SHISA9: variants seen among roughly 807,000 people sequenced by gnomAD.
SHISA9 encodes the protein shisa family member 9, also known as protein shisa-9.
A neutral mutation model predicts 38.0 loss-of-function variants in SHISA9; 13 were observed. The ratio of observed to expected loss-of-function variants is 0.34; its 90% CI spans 0.22 to 0.54. SHISA9 has a LOEUF of 0.54. SHISA9 is among the 20% of genes least tolerant of loss of function. The probability of loss-of-function intolerance (pLI) is 0.91; values close to 1 mark genes in which losing one functional copy is unlikely to be tolerated. For synonymous variants in SHISA9, 275 were observed against 242.0 expected (o/e 1.14, Z -1.27); for missense variants, 538 against 575.8 (o/e 0.93, Z 0.67).
At chr16:13,000,359 G>C (rs771719825) in intron 2 of SHISA9, among the ~76,000 whole-genome samples, 2 of 152,202 alleles carry the variant, frequency 1.3e-5, no homozygotes, top group Non-Finnish European at 2.9e-5. Context: ...GAGTAGGGAA[G>C]GGGAGACTAA....
At chr16:13,515,974 C>A in the SHISA9 span, among the ~76,000 whole-genome samples, 2 of 152,214 alleles carry the variant, frequency 1.3e-5, no homozygotes, top group South Asian at 4.1e-4. Flanking sequence ...AGATTAGATA[C>A]ACAACACCTT....
At chr16:13,334,773 CAA>C in the SHISA9 span, among the ~76,000 whole-genome samples, 12 of 97,624 alleles carry the variant, frequency 1.2e-4, no homozygotes, top group Admixed American at 2.4e-4. Context: ...GACTCCATCT[CAA>C]AAAAAAAAAA....
chr16:13,561,542 C>T, the SHISA9 span, among the ~76,000 whole-genome samples: 1 of 152,164 alleles, frequency 6.6e-6, no homozygotes, highest in Non-Finnish European at 1.5e-5. Flanking sequence ...AAATCACTTC[C>T]GCTACTTTTA....
At chr16:13,327,839 A>G in the SHISA9 span, among the ~76,000 whole-genome samples, 2 of 151,714 alleles carry the variant, frequency 1.3e-5, no homozygotes, top group Non-Finnish European at 2.9e-5. Flanking sequence ...GTATTTTTTT[A>G]GTAGAGACAG....
chr16:13,076,554 T>C (rs1393434580), intron 2 of SHISA9, among the ~76,000 whole-genome samples: 3 of 152,138 alleles, frequency 2.0e-5, no homozygotes, highest in Non-Finnish European at 4.4e-5. Context: ...AGATAGAATT[T>C]GGTTGACTTG....
the SHISA9 span, among the ~76,000 whole-genome samples, chr16:13,382,849 C>G: frequency 6.6e-6 from 1 of 152,044 alleles, no homozygotes; most frequent in Non-Finnish European, 1.5e-5. Flanking sequence ...TAGAGCGAGA[C>G]TCTGTCTTAA....
intron 2 of SHISA9, among the ~76,000 whole-genome samples, chr16:13,072,703 C>G (rs1397528068): frequency 1.3e-5 from 2 of 151,966 alleles, no homozygotes; most frequent in South Asian, 2.1e-4. Flanking sequence ...CTCTGTCACC[C>G]AGGCTGGAGT....
chr16:13,237,454 G>A lies in SHISA9; in HGVS notation c.*2045G>A, dbSNP rs375153128. On this transcript the variant is annotated 3_prime_UTR_variant, in exon 5 of 5. Transcript: ENST00000558583. ...GAAGCAGGTGGATCATCTGAGGTCA[G>A]GAGTTTGAGATCAGCCTGGTCAACA... 3 of 152,094 alleles carry A rather than the reference G, an allele frequency of 2.0e-5. No individual in the cohort carries two copies. The highest frequency in any genetic ancestry group is 7.2e-5 in the African/African-American group (3 of 41,414). The allele number at this position is 152,094 out of a possible 1,614,324, so 9.4% of individuals were successfully genotyped here. A position where few individuals can be genotyped will look rare whatever the true frequency, so the allele number is the denominator to read the frequency against.
chr16:13,128,522 C>T (rs912507242), intron 2 of SHISA9, among the ~76,000 whole-genome samples: 1 of 152,106 alleles, frequency 6.6e-6, no homozygotes, highest in Non-Finnish European at 1.5e-5. Flanking sequence ...ATAATAATAC[C>T]TACCATGTAG....
chr16:13,418,714 C>T, the SHISA9 span, among the ~76,000 whole-genome samples: 2 of 152,204 alleles, frequency 1.3e-5, no homozygotes, highest in African/African-American at 4.8e-5. Context: ...ATTTTATTCA[C>T]CTCCTGCATG....
chr16:13,317,817 A>T, the SHISA9 span, among the ~76,000 whole-genome samples: 1 of 152,200 alleles, frequency 6.6e-6, no homozygotes, highest in South Asian at 2.1e-4. Context: ...GATGCCTACA[A>T]CTTCATGATT....
intron 1 of SHISA9, among the ~76,000 whole-genome samples, chr16:12,907,293 GCTT>G (rs1345182316): frequency 2.1e-5 from 3 of 139,732 alleles, no homozygotes; most frequent in African/African-American, 8.1e-5. Context: ...TCCCTTCTTT[GCTT>G]CTTTTTTCCT....
chr16:12,909,240 A>G, intron 1 of SHISA9: 3 of 984,634 alleles, frequency 3.0e-6, no homozygotes, highest in African/African-American at 1.7e-5. Flanking sequence ...AATTTACACA[A>G]TAAAATGCAC....
At chr16:13,122,284 G>T (rs1197271246) in intron 2 of SHISA9, among the ~76,000 whole-genome samples, 4 of 152,274 alleles carry the variant, frequency 2.6e-5, no homozygotes, top group Middle Eastern at 6.8e-3. Flanking sequence ...TTCCCCAGAA[G>T]TCCTCTTCTG....
intron 1 of SHISA9, among the ~76,000 whole-genome samples, chr16:12,903,940 G>T (rs1215188348): frequency 1.3e-5 from 2 of 149,750 alleles, no homozygotes; most frequent in African/African-American, 4.8e-5. Context: ...TATCCGATGA[G>T]ATTTTTTTTT....
the SHISA9 span, among the ~76,000 whole-genome samples, chr16:13,534,988 T>C: frequency 6.6e-6 from 1 of 152,218 alleles, no homozygotes; most frequent in African/African-American, 2.4e-5. Flanking sequence ...CTCACGTTTG[T>C]AATCCCAGCA....
chr16:13,248,487 T>C, the SHISA9 span, among the ~76,000 whole-genome samples: 1 of 152,208 alleles, frequency 6.6e-6, no homozygotes, highest in Non-Finnish European at 1.5e-5. Context: ...ACCTTGGATT[T>C]GAGTCTTCTC....
At chr16:13,389,220 A>G in the SHISA9 span, among the ~76,000 whole-genome samples, 2 of 152,070 alleles carry the variant, frequency 1.3e-5, no homozygotes, top group African/African-American at 4.8e-5. Flanking sequence ...TCCTCCACTT[A>G]TTCATCCCTC....
intron 2 of SHISA9, among the ~76,000 whole-genome samples, chr16:13,059,598 G>A (rs542004317): frequency 6.6e-6 from 1 of 152,070 alleles, no homozygotes; most frequent in Non-Finnish European, 1.5e-5. Flanking sequence ...TGGGTTGATA[G>A]GTACAGCAAA....
Sources: gnomAD v4.1 joint callset for allele counts (sites outside exome capture counted in the v4.1 genomes callset) on GRCh38, gnomAD v4.1.1 for gene constraint, MANE v1.5 for transcripts, NCBI Gene and HGNC (gene_info 2026-07-23, HGNC 2026-07-21) for gene names.